The following STK38 variants were observed in gnomAD, a reference collection of about 807,000 sequenced individuals.
STK38 encodes serine/threonine kinase 38.
In STK38, 26 loss-of-function variants were observed where a neutral mutation model predicts 59.0. The ratio of observed to expected loss-of-function variants is 0.44; its 90% CI spans 0.32 to 0.61. The LOEUF is 0.61. Ranked by LOEUF, STK38 falls within the 20% of genes least tolerant of loss-of-function variation. The pLI, the probability that STK38 is intolerant of heterozygous loss-of-function variation, is 0.04. For synonymous variants in STK38, 175 were observed against 176.6 expected (o/e 0.99, Z 0.07); for missense variants, 433 against 566.0 (o/e 0.76, Z 2.38).
intron 10 of STK38, among the ~76,000 whole-genome samples, chr6:36,499,195 A>T (rs1380556074): frequency 1.3e-5 from 2 of 152,196 alleles, no homozygotes; most frequent in Non-Finnish European, 2.9e-5. Context: ...AGTACCAAAT[A>T]ACTTGAATAA....
intron 9 of STK38, among the ~76,000 whole-genome samples, chr6:36,505,701 C>A (rs1276846558): frequency 6.6e-6 from 1 of 152,190 alleles, no homozygotes; most frequent in Non-Finnish European, 1.5e-5. Context: ...ATTTGCATGA[C>A]CATCATTCCA....
intron 9 of STK38, among the ~76,000 whole-genome samples, chr6:36,505,204 T>C (rs1473478538): frequency 6.6e-6 from 1 of 152,188 alleles, no homozygotes; most frequent in East Asian, 1.9e-4. Context: ...GATTTTGTTG[T>C]GCAACCAAGG....
intron 2 of STK38, 26 bp from the exon 3 acceptor site, chr6:36,525,668 T>C (rs762190729): frequency 1.3e-6 from 2 of 1,586,308 alleles, no homozygotes. Flanking sequence ...ACAAAAGACA[T>C]GAAATCACAT....
intron 2 of STK38, among the ~76,000 whole-genome samples, chr6:36,538,264 A>G (rs1306105919): frequency 6.6e-6 from 1 of 151,992 alleles, no homozygotes; most frequent in Non-Finnish European, 1.5e-5. Flanking sequence ...AGATCACGCC[A>G]CTGCACTCCA....
chr6:36,533,272 T>C (rs1304614153), intron 2 of STK38, among the ~76,000 whole-genome samples: 3 of 152,150 alleles, frequency 2.0e-5, no homozygotes, highest in Non-Finnish European at 4.4e-5. Flanking sequence ...CTCAGCCTTC[T>C]GAGTAGTTAG....
chr6:36,524,713 C>T (rs945329109), intron 3 of STK38, among the ~76,000 whole-genome samples: 12 of 152,322 alleles, frequency 7.9e-5, no homozygotes, highest in Middle Eastern at 3.4e-3. Context: ...TAACCTACTT[C>T]AGCAATCCAC....
chr6:36,512,136 C>T (rs557204485), intron 7 of STK38, among the ~76,000 whole-genome samples: 2 of 152,188 alleles, frequency 1.3e-5, no homozygotes, highest in African/African-American at 4.8e-5. Flanking sequence ...AAATGCTATT[C>T]AAGCCTAGCC....
At chr6:36,535,567 G>A (rs1441538254) in intron 2 of STK38, among the ~76,000 whole-genome samples, 3 of 152,056 alleles carry the variant, frequency 2.0e-5, no homozygotes, top group Admixed American at 1.3e-4. Flanking sequence ...CTGATCTACA[G>A]AGTCAATATA....
At chr6:36,504,940 G>A (rs9470301) in intron 9 of STK38, among the ~76,000 whole-genome samples, 1,652 of 138,094 alleles carry the variant, frequency 0.012, 37 homozygotes, top group African/African-American at 0.041. Context: ...AGAAAAGAAA[G>A]GAAAGAAAGA....
intron 2 of STK38, among the ~76,000 whole-genome samples, chr6:36,530,763 C>G (rs1777648749): frequency 6.6e-6 from 1 of 150,928 alleles, no homozygotes; most frequent in Admixed American, 6.6e-5. Flanking sequence ...AATCTCGGCT[C>G]ACTGCAACCT....
intron 2 of STK38, among the ~76,000 whole-genome samples, chr6:36,538,400 T>A (rs1186126803): frequency 6.6e-6 from 1 of 152,168 alleles, no homozygotes; most frequent in Admixed American, 6.5e-5. Flanking sequence ...CTGGGAGACG[T>A]AATGTTCTGT....
chr6:36,514,540 C>T (rs1777199634), intron 7 of STK38, among the ~76,000 whole-genome samples: 1 of 152,078 alleles, frequency 6.6e-6, no homozygotes, highest in African/African-American at 2.4e-5. Context: ...CGGATAAGAA[C>T]AGTGAGATCC....
chr6:36,532,524 C>T (rs956360474), intron 2 of STK38, among the ~76,000 whole-genome samples: 3 of 152,020 alleles, frequency 2.0e-5, no homozygotes, highest in Non-Finnish European at 2.9e-5. Flanking sequence ...ACCTGTAATC[C>T]CAGCACTTTG....
At chr6:36,517,584 A>T in intron 6 of STK38, 133 bp downstream of exon 6, 1 of 1,166,296 alleles carries the variant, frequency 8.6e-7, no homozygotes, top group Non-Finnish European at 1.2e-6. Context: ...GACTTCCTTT[A>T]TAGACCTAAA....
At chr6:36,530,733 C>T (rs1322956182) in intron 2 of STK38, among the ~76,000 whole-genome samples, 1 of 149,114 alleles carries the variant, frequency 6.7e-6, no homozygotes. Context: ...CTCTGTTACC[C>T]AGGCTGGAGT....
At chr6:36,501,539 C>T (rs1344108165) in intron 9 of STK38, among the ~76,000 whole-genome samples, 2 of 148,852 alleles carry the variant, frequency 1.3e-5, no homozygotes. Flanking sequence ...CCATATTTGT[C>T]TCAGATCATT....
At chr6:36,545,284 G>A (rs1582475167) in intron 1 of STK38, among the ~76,000 whole-genome samples, 2 of 105,032 alleles carry the variant, frequency 1.9e-5, no homozygotes, top group Admixed American at 2.4e-4. Flanking sequence ...GTGAGACTCC[G>A]TCTGGAAAAA....
rs145608193 is a variant in STK38 at position 36,502,841 on chromosome 6, T to C, written c.835-2851A>G. Reference sequence around the variant, plus strand: ...TCTAAATGAGATCTTAGTTTTATTTTTGAGCTTTATTAAAATGGTACCATT... The same window carrying C: ...TCTAAATGAGATCTTAGTTTTATTTCTGAGCTTTATTAAAATGGTACCATT... On this transcript the variant is annotated intron_variant, in intron 9 of 13. Coordinates refer to ENST00000229812, the MANE Select transcript of STK38 (RefSeq NM_007271.4). 3.1e-3 allele frequency among the ~76,000 whole-genome samples: 476 copies of C among 152,318 alleles called. 3 individuals carry two copies. Among genetic ancestry groups the C allele is most frequent in the African/African-American group, 0.01 (434 of 41,584 alleles).
intron 2 of STK38, among the ~76,000 whole-genome samples, chr6:36,527,214 GTATA>G (rs754385176): frequency 1.7e-5 from 2 of 117,238 alleles, no homozygotes; most frequent in South Asian, 2.5e-4. Context: ...AAAAATATAT[GTATA>G]TATATATATA....
Sources: allele counts gnomAD v4.1 joint callset (sites outside exome capture counted in the v4.1 genomes callset), GRCh38; gene constraint gnomAD v4.1.1; transcripts MANE v1.5; gene names NCBI Gene and HGNC (gene_info 2026-07-23, HGNC 2026-07-21).